DCDC1: variants seen among roughly 807,000 people sequenced by gnomAD.
The protein encoded by DCDC1 is doublecortin domain containing 1.
Under a neutral mutation model 178.3 loss-of-function variants are expected in DCDC1, and 200 were observed. That is an observed-to-expected ratio of 1.12 (90% CI 1.00 to 1.26). DCDC1 has a LOEUF of 1.26. Ranked by LOEUF, DCDC1 falls within the 50% of genes most tolerant of loss-of-function variation. DCDC1 has a pLI of 0.00. For missense variants in DCDC1, 1,983 were observed against 1,749.2 expected (o/e 1.13, Z -2.38); for synonymous variants, 690 against 604.8 (o/e 1.14, Z -2.07).
In DCDC1 at chr11:30,863,964, TA is replaced by T; in HGVS notation, c.*1408del. ...CAACAAGGTGAAACCCCATCTCTAC[TA>T]AAAATACAAAAGTTAGCTGGGTGTG... On this transcript the variant is annotated 3_prime_UTR_variant, in exon 39 of 39. Coordinates refer to ENST00000684477, the MANE Select transcript of DCDC1 (RefSeq NM_001387274.1). 1 of 152,082 alleles carries T rather than the reference TA, an allele frequency of 6.6e-6. No homozygotes were observed. Among genetic ancestry groups the T allele is most frequent in the East Asian group, 1.9e-4 (1 of 5,164 alleles). The allele number at this position is 152,082 out of a possible 1,614,324, so 9.4% of individuals were successfully genotyped here. A position where few individuals can be genotyped will look rare whatever the true frequency, so the allele number is the denominator to read the frequency against.
intron 9 of DCDC1, among the ~76,000 whole-genome samples, chr11:31,213,464 G>C (rs1472123708): frequency 6.6e-6 from 1 of 151,942 alleles, no homozygotes; most frequent in Non-Finnish European, 1.5e-5. Context: ...TATCATGTCT[G>C]TAATCCCAGC....
intron 21 of DCDC1, among the ~76,000 whole-genome samples, chr11:30,938,728 G>A (rs1947438219): frequency 6.6e-6 from 1 of 152,076 alleles, no homozygotes. Flanking sequence ...GGGGTCTTTG[G>A]GCCAGATAAA....
At chr11:31,360,326 A>G (rs1231320254) in intron 1 of DCDC1, among the ~76,000 whole-genome samples, 1 of 152,158 alleles carries the variant, frequency 6.6e-6, no homozygotes. Context: ...CCTCTAAAGA[A>G]AGATGTGGAG....
chr11:30,945,937 A>T (rs1386004277), intron 21 of DCDC1, among the ~76,000 whole-genome samples: 5 of 152,038 alleles, frequency 3.3e-5, no homozygotes. Context: ...TGCCTATTTA[A>T]AACAGCCTCT....
chr11:30,915,704 G>A lies in DCDC1; in HGVS notation c.3460C>T (p.Pro1154Ser). 1 of 1,612,420 alleles carries A rather than the reference G, an allele frequency of 6.2e-7. No homozygotes were observed. Among genetic ancestry groups the A allele is most frequent in the Non-Finnish European group, 8.5e-7 (1 of 1,179,116 alleles). Reference sequence around the variant, plus strand: ...TGCTTGTGCAATTTACTATGCTTTGGTGAACAGCTGAGATAAAGAAATCTC... The same window carrying A: ...TGCTTGTGCAATTTACTATGCTTTGATGAACAGCTGAGATAAAGAAATCTC... The part of the protein sequence containing the change: ...VEPQKKHSCS[P>S]KHSKLHKHCH... Residue 1154 changes from proline (P) to serine (S), a missense_variant, in exon 27 of 39, where the codon CCA becomes TCA. Physicochemically the swap from Pro to Ser is moderately conservative, Grantham distance 74. Coordinates refer to ENST00000684477, the MANE Select transcript of DCDC1 (RefSeq NM_001387274.1).
intron 20 of DCDC1, among the ~76,000 whole-genome samples, chr11:30,965,107 A>G (rs1219438629): frequency 6.6e-6 from 1 of 152,194 alleles, no homozygotes; most frequent in Non-Finnish European, 1.5e-5. Context: ...ACCTGCTGCC[A>G]TTCTTCACGA....
chr11:30,944,185 T>G, intron 21 of DCDC1: 2 of 363,718 alleles, frequency 5.5e-6, no homozygotes, highest in Non-Finnish European at 5.4e-6. Context: ...TTTCTGTGAG[T>G]TTCTTCTCTC....
intron 37 of DCDC1, 32 bp downstream of exon 37, chr11:30,881,126 A>G: frequency 1.2e-6 from 2 of 1,609,482 alleles, no homozygotes; most frequent in South Asian, 2.2e-5. Flanking sequence ...AATTCTTCAA[A>G]GACTTGATGG....
At chr11:31,254,048 C>G (rs1210055504) in intron 8 of DCDC1, among the ~76,000 whole-genome samples, 1 of 152,164 alleles carries the variant, frequency 6.6e-6, no homozygotes, top group Non-Finnish European at 1.5e-5. Flanking sequence ...TAATACATTT[C>G]TATAAGCCAC....
chr11:31,224,742 C>A (rs2136701352), intron 9 of DCDC1, among the ~76,000 whole-genome samples: 1 of 152,040 alleles, frequency 6.6e-6, no homozygotes, highest in East Asian at 1.9e-4. Context: ...AAACAGCCAG[C>A]AAACATATGA....
At chr11:31,046,138 C>T (rs1463705969) in intron 20 of DCDC1, among the ~76,000 whole-genome samples, 1 of 152,154 alleles carries the variant, frequency 6.6e-6, no homozygotes, top group Admixed American at 6.6e-5. Context: ...CCCCTGGAAA[C>T]CACTAACCTG....
chr11:31,143,268 A>C (rs1964059601), intron 9 of DCDC1, among the ~76,000 whole-genome samples: 2 of 152,206 alleles, frequency 1.3e-5, no homozygotes, highest in South Asian at 4.1e-4. Flanking sequence ...AGAAGTGGTA[A>C]TACGGGGCAT....
chr11:30,883,145 A>G (rs1462962304), intron 36 of DCDC1: 1 of 152,958 alleles, frequency 6.5e-6, no homozygotes, highest in African/African-American at 2.4e-5. Context: ...GAGGTTAAAT[A>G]TAATAACCAA....
chr11:31,092,413 CCAT>C (rs1957872060), intron 16 of DCDC1, among the ~76,000 whole-genome samples: 1 of 152,128 alleles, frequency 6.6e-6, no homozygotes, highest in African/African-American at 2.4e-5. Flanking sequence ...GGAAAGGCAG[CCAT>C]CATTTATTAA....
intron 13 of DCDC1, among the ~76,000 whole-genome samples, chr11:31,106,058 T>C (rs1227809043): frequency 3.3e-5 from 5 of 152,178 alleles, no homozygotes. Context: ...TTCCTAGATA[T>C]TGAAAACAAC....
chr11:31,354,551 T>C (rs1056811083), intron 1 of DCDC1, among the ~76,000 whole-genome samples: 1 of 152,156 alleles, frequency 6.6e-6, no homozygotes, highest in Non-Finnish European at 1.5e-5. Flanking sequence ...ACTGGGGGCA[T>C]GAATATAGTA....
chr11:31,024,096 C>A (rs894217193), intron 20 of DCDC1, among the ~76,000 whole-genome samples: 2 of 151,862 alleles, frequency 1.3e-5, no homozygotes, highest in African/African-American at 4.8e-5. Context: ...AAATTTTGTC[C>A]ATAAAAACAA....
intron 17 of DCDC1, among the ~76,000 whole-genome samples, chr11:31,081,941 C>A (rs1274591028): frequency 6.6e-6 from 1 of 152,130 alleles, no homozygotes; most frequent in Non-Finnish European, 1.5e-5. Flanking sequence ...TTTCTACACA[C>A]AAAAGTGTAT....
At chr11:31,231,173 G>A (rs1975725507) in intron 9 of DCDC1, among the ~76,000 whole-genome samples, 1 of 151,982 alleles carries the variant, frequency 6.6e-6, no homozygotes, top group East Asian at 1.9e-4. Context: ...ATGTTGCCCA[G>A]GATGGTCCCG....
Sources: gnomAD v4.1 joint callset for allele counts (sites outside exome capture counted in the v4.1 genomes callset) on GRCh38, gnomAD v4.1.1 for gene constraint, MANE v1.5 for transcripts, NCBI Gene and HGNC (gene_info 2026-07-23, HGNC 2026-07-21) for gene names.